KCNIP1: variants seen among roughly 807,000 people sequenced by gnomAD.
KCNIP1 encodes the protein A-type potassium channel modulatory protein KCNIP1.
In KCNIP1, 18 loss-of-function variants were observed where a neutral mutation model predicts 33.0. The observed-to-expected ratio is 0.55, with a 90% CI of 0.38 to 0.81. KCNIP1 has a LOEUF of 0.81. Among genes scored for constraint, KCNIP1 ranks in the 30% least tolerant of loss-of-function variants. The pLI, the probability that KCNIP1 is intolerant of heterozygous loss-of-function variation, is 0.00. For synonymous variants in KCNIP1, 93 were observed against 98.3 expected (o/e 0.95, Z 0.32); for missense variants, 238 against 271.6 (o/e 0.88, Z 0.87).
At chr5:170,699,328 C>T (rs1763009906) in intron 1 of KCNIP1, among the ~76,000 whole-genome samples, 2 of 152,106 alleles carry the variant, frequency 1.3e-5, no homozygotes, top group South Asian at 4.2e-4. Flanking sequence ...ATAACCCTTG[C>T]TTTTTCTTGC....
chr5:170,631,752 G>A (rs997491374), intron 1 of KCNIP1, among the ~76,000 whole-genome samples: 2 of 152,180 alleles, frequency 1.3e-5, no homozygotes, highest in African/African-American at 2.4e-5. Context: ...AGGTCCCCTA[G>A]GGCTTCTCTC....
chr5:170,444,218 C>T lies in KCNIP1; in HGVS notation c.88+90254C>T, dbSNP rs1561628894. On this transcript the variant is annotated intron_variant, in intron 1 of 7. Transcript: ENST00000377360. ...TCCCTGGGCTGGATCCGGGTGTTGG[C>T]AGAGCTGCGTTCCTTCTGGGGTCCT... Among the ~76,000 whole-genome samples, 10 of 152,216 alleles carry T rather than the reference C, an allele frequency of 6.6e-5. No individual in the cohort carries two copies. In the South Asian group the frequency reaches 1.9e-3, roughly 28 times the overall value.
At chr5:170,719,732 C>G (rs74804810) in intron 2 of KCNIP1, among the ~76,000 whole-genome samples, 3,687 of 152,268 alleles carry the variant, frequency 0.024, 65 homozygotes, top group Non-Finnish European at 0.032. Context: ...GCTGGGATGC[C>G]TCTTCCTTCC....
chr5:170,442,767 A>T (rs1756023859), intron 1 of KCNIP1, among the ~76,000 whole-genome samples: 1 of 152,190 alleles, frequency 6.6e-6, no homozygotes, highest in Admixed American at 6.5e-5. Context: ...CAGTGTAGAC[A>T]TGTTTCACAC....
At chr5:170,636,516 AT>A (rs1760288699) in intron 1 of KCNIP1, among the ~76,000 whole-genome samples, 1 of 152,116 alleles carries the variant, frequency 6.6e-6, no homozygotes, top group Non-Finnish European at 1.5e-5. Flanking sequence ...GAGAATATTG[AT>A]TGAGCACCTA....
At chr5:170,472,574 GC>G (rs1417826048) in intron 1 of KCNIP1, among the ~76,000 whole-genome samples, 3 of 137,200 alleles carry the variant, frequency 2.2e-5, no homozygotes, top group East Asian at 4.3e-4. Flanking sequence ...TTTATCCCTC[GC>G]CCCCCTCCCA....
intron 1 of KCNIP1, among the ~76,000 whole-genome samples, chr5:170,370,065 A>C (rs1763802151): frequency 6.6e-6 from 1 of 152,122 alleles, no homozygotes; most frequent in Admixed American, 6.5e-5. Context: ...CAAAATTGTT[A>C]AGTCAGGGTA....
chr5:170,398,759 C>T (rs1754821690), intron 1 of KCNIP1, among the ~76,000 whole-genome samples: 1 of 152,206 alleles, frequency 6.6e-6, no homozygotes, highest in Admixed American at 6.5e-5. Context: ...TGCCCCACCC[C>T]AATCCCTCCC....
intron 1 of KCNIP1, among the ~76,000 whole-genome samples, chr5:170,367,103 G>C (rs942794959): frequency 4.6e-5 from 7 of 152,102 alleles, no homozygotes; most frequent in African/African-American, 1.4e-4. Flanking sequence ...TGGATCCCTT[G>C]AGGTCAGGAG....
chr5:170,624,732 TG>T (rs549130383), intron 1 of KCNIP1, among the ~76,000 whole-genome samples: 6 of 13,218 alleles, frequency 4.5e-4, no homozygotes, highest in African/African-American at 1.3e-3. Flanking sequence ...ACCGGGGAGG[TG>T]GGGGGGGAGA....
Position 170,465,522 on chromosome 5 carries a change from C to T in KCNIP1, c.88+111558C>T, listed in dbSNP as rs536795620. Among the ~76,000 whole-genome samples the T allele has an allele frequency of 3.9e-5, 6 of 152,252 alleles. No homozygotes were observed. In the South Asian group the frequency reaches 8.3e-4, roughly 21 times the overall value. ...CTTTTATTGAGCACCTACTATGTAC[C>T]AAGTACTGTGCTAGGTTCTGACGAC... is the stretch of plus-strand genomic sequence containing the variant. On this transcript the variant is annotated intron_variant, in intron 1 of 7. Coordinates refer to the KCNIP1 transcript ENST00000377360.
At chr5:170,602,090 C>T (rs913443402) in intron 1 of KCNIP1, among the ~76,000 whole-genome samples, 1 of 152,198 alleles carries the variant, frequency 6.6e-6, no homozygotes, top group Admixed American at 6.5e-5. Flanking sequence ...ACAGCACATG[C>T]CAACCTTTCT....
intron 1 of KCNIP1, among the ~76,000 whole-genome samples, chr5:170,638,092 G>T (rs959991016): frequency 2.6e-5 from 4 of 152,124 alleles, no homozygotes; most frequent in Non-Finnish European, 5.9e-5. Flanking sequence ...AGCAAGGTTT[G>T]AGATGCCAGC....
At chr5:170,495,111 A>C (rs970996247) in intron 1 of KCNIP1, among the ~76,000 whole-genome samples, 2 of 152,172 alleles carry the variant, frequency 1.3e-5, no homozygotes, top group African/African-American at 4.8e-5. Context: ...GAGAACCCTC[A>C]ATCAGTTCAG....
chr5:170,541,068 C>T lies in KCNIP1; in HGVS notation c.61+36435C>T, dbSNP rs150984698. ...TCTCACAGTTTCCAAACTTCAGTTT[C>T]TCCAGCTATGAAGTATGAGCTTGAT... On this transcript the variant is annotated intron_variant, in intron 1 of 7. Coordinates refer to ENST00000328939, the MANE Select transcript of KCNIP1 (RefSeq NM_014592.4). Among the ~76,000 whole-genome samples the T allele has an allele frequency of 2.2e-3, 331 of 152,340 alleles. 2 individuals carry two copies. Among genetic ancestry groups the T allele is most frequent in the Admixed American group, 6.5e-3 (99 of 15,298 alleles).
chr5:170,394,428 TA>T (rs1221660886), intron 1 of KCNIP1, among the ~76,000 whole-genome samples: 1 of 152,174 alleles, frequency 6.6e-6, no homozygotes, highest in Non-Finnish European at 1.5e-5. Context: ...CCAGGAGGAA[TA>T]AACAAAGATC....
intron 6 of KCNIP1, among the ~76,000 whole-genome samples, chr5:170,733,109 A>G (rs189587110): frequency 6.6e-6 from 1 of 152,382 alleles, no homozygotes; most frequent in East Asian, 1.9e-4. Context: ...AAAGTATATT[A>G]TTAAACGCTA....
chr5:170,702,484 T>C (rs946160038), intron 1 of KCNIP1, among the ~76,000 whole-genome samples: 3 of 152,292 alleles, frequency 2.0e-5, no homozygotes, highest in Middle Eastern at 3.4e-3. Context: ...AAATGCTAAA[T>C]GGGTGGCAGA....
chr5:170,482,322 T>C (rs984859893), intron 1 of KCNIP1, among the ~76,000 whole-genome samples: 5 of 152,202 alleles, frequency 3.3e-5, no homozygotes, highest in African/African-American at 1.2e-4. Context: ...AAGAAGGGTA[T>C]AATTTTAGCC....
Sources: gnomAD v4.1 joint callset for allele counts (sites outside exome capture counted in the v4.1 genomes callset) on GRCh38, gnomAD v4.1.1 for gene constraint, MANE v1.5 for transcripts, NCBI Gene and HGNC (gene_info 2026-07-23, HGNC 2026-07-21) for gene names.